Variants in FGL1 observed in about 807,000 individuals in gnomAD.
FGL1 encodes fibrinogen like 1.
In FGL1, 59 loss-of-function variants were observed where a neutral mutation model predicts 43.7. The observed-to-expected ratio is 1.35, with a 90% confidence interval of 1.10 to 1.68. The LOEUF (loss-of-function observed/expected upper bound fraction) is 1.68. Among genes scored for constraint, FGL1 ranks in the 40% most tolerant of loss-of-function variants. FGL1 has a pLI of 0.00. For synonymous variants in FGL1, 192 were observed against 126.5 expected (o/e 1.52, Z -3.48); for missense variants, 596 against 373.0 (o/e 1.60, Z -4.92).
intron 3 of FGL1, among the ~76,000 whole-genome samples, chr8:17,877,244 A>C (rs1563453583): frequency 6.6e-6 from 1 of 152,128 alleles, no homozygotes; most frequent in Non-Finnish European, 1.5e-5. Flanking sequence ...TTTTTTTAAA[A>C]AAGAAAAAGA....
chr8:17,876,511 T>C (rs1034487737), intron 3 of FGL1, among the ~76,000 whole-genome samples: 1 of 152,174 alleles, frequency 6.6e-6, no homozygotes, highest in African/African-American at 2.4e-5. Flanking sequence ...TGCGTTCATA[T>C]ACATGCTAAA....
chr8:17,875,920 G>T lies in FGL1; in HGVS notation c.245-1399C>A, dbSNP rs115343910. 6.7e-3 allele frequency among the ~76,000 whole-genome samples: 1,017 copies of T among 152,200 alleles called. 11 individuals are homozygous for T. Among genetic ancestry groups the T allele is most frequent in the African/African-American group, 0.023 (961 of 41,526 alleles). ...CACACCCTGCCAAATGGTGATGTCT[G>T]TTCCTTAAGCCACTTGAGGGTGATG... On this transcript the variant is annotated intron_variant, in intron 3 of 7. Transcript: ENST00000427924.
rs1480989492 is a variant in FGL1 at position 17,868,968 on chromosome 8, T to TG, written c.538_539insC (p.Glu180AlafsTer4). 6.2e-7 allele frequency: 1 copy of TG among 1,606,076 alleles called. No homozygotes were observed. ...ATATTGTGCATAACGGCTATTTTTT[T>TG]CAAAATCTGCAAGGTCGATTTTTAA... is the stretch of plus-strand genomic sequence containing the variant. On this transcript the variant is annotated frameshift_variant, in exon 6 of 8. Coordinates refer to ENST00000427924, the MANE Select transcript of FGL1 (RefSeq NM_004467.4). LOFTEE classifies it high-confidence loss of function.
intron 7 of FGL1, chr8:17,868,254 C>T: frequency 4.9e-6 from 1 of 204,816 alleles, no homozygotes; most frequent in African/African-American, 2.3e-5. Context: ...CATGCTCTCT[C>T]TTTCTTTGTG....
chr8:17,871,570 C>T (rs35820193), intron 5 of FGL1, among the ~76,000 whole-genome samples: 94 of 151,372 alleles, frequency 6.2e-4, no homozygotes, highest in African/African-American at 2.1e-3. Flanking sequence ...ATTGAAATGT[C>T]TCTTTGTTCA....
chr8:17,877,078 T>A (rs543829187), intron 3 of FGL1, among the ~76,000 whole-genome samples: 15 of 152,284 alleles, frequency 9.9e-5, no homozygotes, highest in African/African-American at 3.6e-4. Context: ...GAAATGAGAC[T>A]TAAATCGTAA....
At chr8:17,871,681 T>TGC (rs2053363390) in intron 5 of FGL1, among the ~76,000 whole-genome samples, 1 of 152,170 alleles carries the variant, frequency 6.6e-6, no homozygotes, top group African/African-American at 2.4e-5. Context: ...TCAGAGGTAA[T>TGC]TCATTAATTC....
At chr8:17,885,387 A>T in intron 2 of FGL1, 105 bp downstream of exon 2, 1 of 920,226 alleles carries the variant, frequency 1.1e-6, no homozygotes, top group Non-Finnish European at 1.7e-6. Flanking sequence ...CCACATAGTT[A>T]AGTTTTTTCA....
chr8:17,871,219 G>A, intron 5 of FGL1, among the ~76,000 whole-genome samples: 1 of 152,072 alleles, frequency 6.6e-6, no homozygotes, highest in East Asian at 1.9e-4. Flanking sequence ...CAGACGAGAT[G>A]CGGTGGTTCA....
At chr8:17,875,271 C>G (rs1049939459) in intron 3 of FGL1, among the ~76,000 whole-genome samples, 2 of 152,092 alleles carry the variant, frequency 1.3e-5, no homozygotes, top group African/African-American at 4.8e-5. Context: ...GTGCTGCACC[C>G]ATAATCTTGT....
Position 17,864,564 on chromosome 8 carries a change from T to A in FGL1, c.*28A>T, listed in dbSNP as rs368344134. 6.3e-7 allele frequency: 1 copy of A among 1,589,438 alleles called. No individual in the cohort carries two copies. The highest frequency in any genetic ancestry group is 1.1e-5 in the South Asian group (1 of 87,248). On this transcript the variant is annotated 3_prime_UTR_variant, in exon 8 of 8. Transcript: ENST00000427924. ...CAAATCACTTTAAACAAAGCTGAATTGCAGAAACGAAAGCCCAACAGCAGC... is the reference window on the plus strand; with the variant it reads ...CAAATCACTTTAAACAAAGCTGAATAGCAGAAACGAAAGCCCAACAGCAGC...
chr8:17,892,689 T>C (rs1298199401), intron 1 of FGL1, among the ~76,000 whole-genome samples: 1 of 152,206 alleles, frequency 6.6e-6, no homozygotes, highest in African/African-American at 2.4e-5. Context: ...GTAAAAATAA[T>C]GTCCTCTTTT....
chr8:17,874,559 G>C, intron 3 of FGL1, 38 bp from the exon 4 acceptor site: 1 of 1,557,654 alleles, frequency 6.4e-7, no homozygotes, highest in African/African-American at 1.4e-5. Flanking sequence ...TTCATTATGT[G>C]TCTTTTTCTC....
intron 3 of FGL1, among the ~76,000 whole-genome samples, chr8:17,881,625 T>C (rs1369779016): frequency 2.0e-5 from 3 of 150,570 alleles, no homozygotes; most frequent in Non-Finnish European, 4.4e-5. Flanking sequence ...CAAGGTCAGG[T>C]GATCGAGACC....
At position 17,874,436 on chromosome 8, in the gene FGL1, A is replaced by G; in HGVS notation, c.330T>C (p.Val110=). The G allele has an allele frequency of 6.2e-7, 1 of 1,614,130 alleles. No individual in the cohort carries two copies. ...CTCCTCCATCGGACATGTCACAATA[A>G]ACAGAAAATTCTGCTGGGCTCTGGA... ...KPLQSPAEFS[V]YCDMSDGGGW... Residue 110 remains valine, a synonymous_variant, in exon 4 of 8, where the codon GTT becomes GTC. Transcript: ENST00000427924.
intron 1 of FGL1, chr8:17,885,809 C>T (rs1021708974): frequency 9.6e-5 from 44 of 456,332 alleles, no homozygotes; most frequent in African/African-American, 6.9e-4. Context: ...TGGTTCTTTT[C>T]GCTATCCTAA....
intron 3 of FGL1, among the ~76,000 whole-genome samples, chr8:17,878,132 TA>T (rs1294651527): frequency 6.6e-6 from 1 of 152,018 alleles, no homozygotes; most frequent in Non-Finnish European, 1.5e-5. Flanking sequence ...ATTTTTTTTT[TA>T]TAGTGTTAGA....
chr8:17,882,218 T>C, intron 2 of FGL1, 39 bp from the exon 3 acceptor site: 4 of 1,513,020 alleles, frequency 2.6e-6, no homozygotes, highest in Non-Finnish European at 3.6e-6. Flanking sequence ...TGCACCTCAT[T>C]TTCATGGAAA....
chr8:17,874,455 C>G lies in FGL1; in HGVS notation c.311G>C (p.Ser104Thr). Residue 104 changes from serine (S) to threonine (T), a missense_variant, in exon 4 of 8, where the codon AGC (serine) becomes ACC (threonine). Physicochemically the swap from Ser to Thr is moderately conservative, Grantham distance 58. Transcript: ENST00000427924. ...SGFYKIKPLQ[S>T]PAEFSVYCDM... The stretch of plus-strand genomic sequence containing the variant: ...ACAATAAACAGAAAATTCTGCTGGG[C>G]TCTGGAGAGGTTTGATTTTGTAAAA... 6.2e-7 allele frequency: 1 copy of G among 1,614,092 alleles called. No individual in the cohort carries two copies.
Sources: gnomAD v4.1 joint callset for allele counts (sites outside exome capture counted in the v4.1 genomes callset) on GRCh38, gnomAD v4.1.1 for gene constraint, MANE v1.5 for transcripts, NCBI Gene and HGNC (gene_info 2026-07-23, HGNC 2026-07-21) for gene names.